The following CDH13 variants were observed in gnomAD, a reference collection of about 807,000 sequenced individuals.
The protein encoded by CDH13 is cadherin-13.
A neutral mutation model predicts 63.8 loss-of-function variants in CDH13; 24 were observed. That is an observed-to-expected ratio of 0.38 (90% CI 0.27 to 0.53). The LOEUF (loss-of-function observed/expected upper bound fraction) is 0.53, where lower values mean the gene tolerates loss of function less well. Among genes scored for constraint, CDH13 ranks in the 20% least tolerant of loss-of-function variants. The pLI, the probability that CDH13 is intolerant of heterozygous loss-of-function variation, is 0.85. For missense variants in CDH13, 1,049 were observed against 903.1 expected, an observed-to-expected ratio of 1.16 and a Z score of -2.07; for synonymous variants, 503 against 355.3, an observed-to-expected ratio of 1.42 and a Z score of -4.67.
chr16:83,519,446 A>G (rs1390100866), intron 7 of CDH13, among the ~76,000 whole-genome samples: 2 of 152,240 alleles, frequency 1.3e-5, no homozygotes, highest in Non-Finnish European at 2.9e-5. Flanking sequence ...AAATACTTCA[A>G]TGAAAATGAA....
At chr16:82,743,395 T>A (rs1487132385) in intron 1 of CDH13, among the ~76,000 whole-genome samples, 2 of 152,052 alleles carry the variant, frequency 1.3e-5, no homozygotes, top group Admixed American at 6.5e-5. Context: ...ACCTGGCTAA[T>A]TTTTGCATTT....
chr16:83,602,592 G>A lies in CDH13; in HGVS notation c.1099G>A (p.Glu367Lys). ...NDHSPKFTKK[E>K]FQATVEEGAV... ...TCACTCACCAAAATTCACCAAGAAA[G>A]AGGTAAACCCCTGTGCCAAACACCA... The change falls in exon 8 of 14, where the codon GAG becomes AAG. Residue 367 changes from glutamate (E) to lysine (K), a missense_variant and splice_region_variant. By Grantham distance (56) the Glu-to-Lys change is moderately conservative. Coordinates refer to ENST00000567109, the MANE Select transcript of CDH13 (RefSeq NM_001257.5). The A allele has an allele frequency of 6.2e-7, 1 of 1,613,892 alleles. No individual in the cohort carries two copies. Among genetic ancestry groups the A allele is most frequent in the Non-Finnish European group, 8.5e-7 (1 of 1,179,832 alleles).
At chr16:83,786,450 C>T (rs915565054) in intron 13 of CDH13, among the ~76,000 whole-genome samples, 6 of 152,018 alleles carry the variant, frequency 3.9e-5, no homozygotes, top group Admixed American at 2.6e-4. Context: ...AGGAATAGGG[C>T]GTTGGGGAAT....
At chr16:83,789,439 C>T (rs970966897) in intron 13 of CDH13, among the ~76,000 whole-genome samples, 5 of 151,752 alleles carry the variant, frequency 3.3e-5, no homozygotes, top group Non-Finnish European at 7.4e-5. Flanking sequence ...TTCTGCCTCC[C>T]AGGTTCAAGT....
intron 1 of CDH13, among the ~76,000 whole-genome samples, chr16:82,679,804 C>T (rs575884675): frequency 1.3e-5 from 2 of 152,244 alleles, no homozygotes; most frequent in South Asian, 2.1e-4. Context: ...TATGTTTGAA[C>T]AGATTTCAAA....
At chr16:82,790,328 A>G (rs1440538210) in intron 1 of CDH13, among the ~76,000 whole-genome samples, 1 of 152,066 alleles carries the variant, frequency 6.6e-6, no homozygotes, top group South Asian at 2.1e-4. Context: ...CTAACTACTC[A>G]GGAGGTTGAG....
chr16:83,479,172 A>T (rs1347400495), intron 6 of CDH13, among the ~76,000 whole-genome samples: 3 of 152,226 alleles, frequency 2.0e-5, no homozygotes, highest in Non-Finnish European at 4.4e-5. Flanking sequence ...AGGCTTGTCT[A>T]AGGGAAGAAA....
At chr16:83,511,319 A>G (rs1461834171) in intron 7 of CDH13, among the ~76,000 whole-genome samples, 1 of 152,146 alleles carries the variant, frequency 6.6e-6, no homozygotes, top group Non-Finnish European at 1.5e-5. Flanking sequence ...AAATTTAGCC[A>G]GGTGTAGTGG....
chr16:82,787,779 T>C (rs1029618391), intron 1 of CDH13, among the ~76,000 whole-genome samples: 1 of 137,790 alleles, frequency 7.3e-6, no homozygotes, highest in South Asian at 2.4e-4. Flanking sequence ...TTGTTTTTTC[T>C]CTAGAAAAGT....
At chr16:83,432,710 G>A (rs978416376) in intron 6 of CDH13, among the ~76,000 whole-genome samples, 3 of 152,134 alleles carry the variant, frequency 2.0e-5, no homozygotes, top group African/African-American at 4.8e-5. Flanking sequence ...AGGGCCCCAA[G>A]AAAATTCTAG....
chr16:82,935,553 AG>A (rs1265678561), intron 2 of CDH13, among the ~76,000 whole-genome samples: 1 of 152,224 alleles, frequency 6.6e-6, no homozygotes, highest in African/African-American at 2.4e-5. Flanking sequence ...AAAAGTAAAA[AG>A]GACCTACCTT....
intron 1 of CDH13, among the ~76,000 whole-genome samples, chr16:82,851,239 G>C (rs1251989650): frequency 6.6e-6 from 1 of 151,986 alleles, no homozygotes; most frequent in Non-Finnish European, 1.5e-5. Context: ...TTCGAGACCA[G>C]CCTGGCCAAC....
At chr16:83,045,039 T>G (rs1373446095) in intron 3 of CDH13, among the ~76,000 whole-genome samples, 3 of 152,204 alleles carry the variant, frequency 2.0e-5, no homozygotes, top group African/African-American at 7.2e-5. Flanking sequence ...TAACCTCTTT[T>G]TACAATTCCT....
At chr16:83,035,728 C>T (rs1161667461) in intron 3 of CDH13, among the ~76,000 whole-genome samples, 1 of 152,142 alleles carries the variant, frequency 6.6e-6, no homozygotes, top group Non-Finnish European at 1.5e-5. Context: ...TGGTGTTTCT[C>T]TTCTAAGCTG....
intron 1 of CDH13, among the ~76,000 whole-genome samples, chr16:82,745,598 T>C (rs974610303): frequency 1.3e-5 from 2 of 152,008 alleles, no homozygotes; most frequent in African/African-American, 2.4e-5. Context: ...AGCGAGACTC[T>C]GTCTCAAAAA....
At chr16:83,776,948 T>G (rs1012439241) in intron 11 of CDH13, among the ~76,000 whole-genome samples, 3 of 88,496 alleles carry the variant, frequency 3.4e-5, no homozygotes, top group Non-Finnish European at 7.4e-5. Context: ...GCCTGGGCAC[T>G]TCCGCCAAGC....
At chr16:83,689,977 G>A (rs559806515) in intron 10 of CDH13, among the ~76,000 whole-genome samples, 2 of 152,288 alleles carry the variant, frequency 1.3e-5, no homozygotes, top group South Asian at 4.2e-4. Flanking sequence ...CCTGAGGTCA[G>A]GAATTTGAGA....
intron 11 of CDH13, among the ~76,000 whole-genome samples, chr16:83,757,245 A>G (rs563908096): frequency 6.6e-6 from 1 of 152,326 alleles, no homozygotes; most frequent in East Asian, 1.9e-4. Flanking sequence ...TGCTCAGAGG[A>G]AAATTCTAGA....
intron 1 of CDH13, among the ~76,000 whole-genome samples, chr16:82,818,352 C>T (rs1428323713): frequency 1.3e-5 from 2 of 152,122 alleles, no homozygotes; most frequent in African/African-American, 2.4e-5. Flanking sequence ...AGACCACTTT[C>T]TTCCAATGCT....
Sources: allele counts gnomAD v4.1 joint callset (sites outside exome capture counted in the v4.1 genomes callset), GRCh38; gene constraint gnomAD v4.1.1; transcripts MANE v1.5; gene names NCBI Gene and HGNC (gene_info 2026-07-23, HGNC 2026-07-21).